TIAM1: variants seen among roughly 807,000 people sequenced by gnomAD.
The protein encoded by TIAM1 is TIAM Rac1 associated GEF 1, also known as rho guanine nucleotide exchange factor TIAM1.
In TIAM1, 65 loss-of-function variants were observed where a neutral mutation model predicts 163.5. The ratio of observed to expected loss-of-function variants is 0.40; its 90% CI spans 0.33 to 0.49. TIAM1 has a LOEUF of 0.49. Among genes scored for constraint, TIAM1 ranks in the 20% least tolerant of loss-of-function variants. TIAM1 has a pLI of 0.77. For missense variants in TIAM1, 1,789 were observed against 2,044.7 expected (o/e 0.87, Z 2.41); for synonymous variants, 833 against 810.1 (o/e 1.03, Z -0.48).
chr21:31,511,902 G>A (rs750081707), intron 1 of TIAM1, among the ~76,000 whole-genome samples: 86 of 152,164 alleles, frequency 5.7e-4, no homozygotes, highest in Middle Eastern at 3.2e-3. Context: ...TCAGCTGGAA[G>A]TGACAGGCAG....
intron 2 of TIAM1, among the ~76,000 whole-genome samples, chr21:31,401,254 T>C (rs1193439017): frequency 6.6e-6 from 1 of 152,212 alleles, no homozygotes; most frequent in Non-Finnish European, 1.5e-5. Flanking sequence ...GGTGATGTCA[T>C]GTATCCAATG....
chr21:31,412,334 T>A (rs942955001), intron 2 of TIAM1, among the ~76,000 whole-genome samples: 4 of 152,088 alleles, frequency 2.6e-5, no homozygotes, highest in Non-Finnish European at 5.9e-5. Flanking sequence ...CAATGTATGT[T>A]ATTTGGGCCA....
chr21:31,227,026 G>C lies in TIAM1; in HGVS notation c.1585-1076C>G, dbSNP rs748101689. Among the ~76,000 whole-genome samples the C allele has an allele frequency of 1.1e-3, 149 of 141,396 alleles. 2 individuals carry two copies. The highest frequency in any genetic ancestry group is 2.9e-4 in the Non-Finnish European group (19 of 66,562). The allele number at this position is 141,396 out of a possible 152,430, so 92.8% of individuals were successfully genotyped here. A position where few individuals can be genotyped will look rare whatever the true frequency, so the allele number is the denominator to read the frequency against. ...GGCTGGAGTGCAGTGGCGCGATCTT[G>C]GCTCACTGCAGCCTCTGCCTCCCAG... On this transcript the variant is annotated intron_variant, in intron 6 of 27. Transcript: ENST00000541036.
At chr21:31,168,217 T>G (rs2084333180) in intron 15 of TIAM1, among the ~76,000 whole-genome samples, 1 of 151,650 alleles carries the variant, frequency 6.6e-6, no homozygotes, top group Admixed American at 6.6e-5. Context: ...CTCAGCCTCC[T>G]GAGTAGCTGG....
At chr21:31,475,038 T>G (rs1325602090) in intron 1 of TIAM1, among the ~76,000 whole-genome samples, 1 of 64,842 alleles carries the variant, frequency 1.5e-5, no homozygotes, top group Non-Finnish European at 3.2e-5. Context: ...ATTATTATTA[T>G]TATTATTATT....
intron 1 of TIAM1, among the ~76,000 whole-genome samples, chr21:31,541,386 G>A (rs747917646): frequency 6.6e-6 from 1 of 152,112 alleles, no homozygotes; most frequent in Non-Finnish European, 1.5e-5. Context: ...CAGCCCCAGA[G>A]GTTGAGGCTG....
chr21:31,473,155 G>A (rs1447783339), intron 1 of TIAM1, among the ~76,000 whole-genome samples: 1 of 152,154 alleles, frequency 6.6e-6, no homozygotes, highest in Non-Finnish European at 1.5e-5. Flanking sequence ...TGGCAGCCAG[G>A]CACGGTGGCT....
At chr21:31,286,030 T>G (rs1337067464) in intron 2 of TIAM1, among the ~76,000 whole-genome samples, 1 of 152,222 alleles carries the variant, frequency 6.6e-6, no homozygotes, top group Non-Finnish European at 1.5e-5. Context: ...CAACTTAATT[T>G]AATAACTAAA....
rs971327190 is a variant in TIAM1, at chr21:31,412,612, T to C, written c.-369+51371A>G. Among the ~76,000 whole-genome samples the C allele has an allele frequency of 2.0e-5, 3 of 151,720 alleles. No homozygotes were observed. In the South Asian group the frequency reaches 6.3e-4, roughly 32 times the overall value. ...ACCTGGCCAACATGGTGAAACCCCA[T>C]CTCTACTAAAAATACAAAAATTAGC... On this transcript the variant is annotated intron_variant, in intron 2 of 28. Transcript: ENST00000286827.
At chr21:31,555,646 G>C (rs567381229) in intron 1 of TIAM1, among the ~76,000 whole-genome samples, 2 of 152,054 alleles carry the variant, frequency 1.3e-5, no homozygotes. Flanking sequence ...CCCCTCTCCC[G>C]GCACAGATTT....
chr21:31,354,342 G>A (rs1022817120), intron 2 of TIAM1, among the ~76,000 whole-genome samples: 1 of 152,150 alleles, frequency 6.6e-6, no homozygotes, highest in African/African-American at 2.4e-5. Flanking sequence ...TGAGAAAGGT[G>A]AGTGAACAAG....
At chr21:31,537,571 A>G (rs1034853325) in intron 1 of TIAM1, among the ~76,000 whole-genome samples, 5 of 151,950 alleles carry the variant, frequency 3.3e-5, no homozygotes, top group African/African-American at 4.8e-5. Context: ...GGACAACATG[A>G]TGAAACCCTG....
chr21:31,409,387 C>T (rs1271711723), intron 2 of TIAM1, among the ~76,000 whole-genome samples: 1 of 152,170 alleles, frequency 6.6e-6, no homozygotes, highest in African/African-American at 2.4e-5. Context: ...GGATTACAGG[C>T]GTGAGCCACC....
rs545219098 is a variant in TIAM1, at chr21:31,131,018, T to A, written c.3884-70A>T. 1.8e-4 allele frequency: 236 copies of A among 1,348,444 alleles called. 5 individuals are homozygous for A. In the South Asian group the frequency reaches 2.7e-3, roughly 16 times the overall value. 83.5% of individuals were successfully genotyped at this position (1,348,444 alleles called of 1,614,324 possible). ...GGTTTTCCCCTTGACATCACCAACT[T>A]GTGGTAATAAACACTACAGTTATGA... On this transcript the variant is annotated intron_variant, in intron 23 of 27. Coordinates refer to ENST00000541036, the MANE Select transcript of TIAM1 (RefSeq NM_001353694.2).
At chr21:31,242,463 A>G (rs1279042529) in intron 6 of TIAM1, among the ~76,000 whole-genome samples, 3 of 152,178 alleles carry the variant, frequency 2.0e-5, no homozygotes, top group Non-Finnish European at 2.9e-5. Flanking sequence ...CTGAGGCTGC[A>G]GTGAGCTGTG....
intron 1 of TIAM1, among the ~76,000 whole-genome samples, chr21:31,342,486 A>AT (rs1569246830): frequency 6.6e-6 from 1 of 152,236 alleles, no homozygotes. Context: ...ACATGTGACA[A>AT]TATCTAAAAA....
chr21:31,303,479 G>C (rs919228551), intron 2 of TIAM1, among the ~76,000 whole-genome samples: 1 of 152,076 alleles, frequency 6.6e-6, no homozygotes, highest in Non-Finnish European at 1.5e-5. Context: ...CTTATTGATG[G>C]CACCCCATTA....
At chr21:31,495,191 C>A (rs1161189115) in intron 1 of TIAM1, among the ~76,000 whole-genome samples, 1 of 152,078 alleles carries the variant, frequency 6.6e-6, no homozygotes, top group African/African-American at 2.4e-5. Context: ...ATTTTGGTAA[C>A]GTGTATGTCT....
chr21:31,466,052 G>A (rs1569355824), intron 1 of TIAM1, among the ~76,000 whole-genome samples: 1 of 152,186 alleles, frequency 6.6e-6, no homozygotes, highest in Non-Finnish European at 1.5e-5. Context: ...AGAGGTCCTT[G>A]AGGATCCCAA....
Sources: gnomAD v4.1 joint callset for allele counts (sites outside exome capture counted in the v4.1 genomes callset) on GRCh38, gnomAD v4.1.1 for gene constraint, MANE v1.5 for transcripts, NCBI Gene and HGNC (gene_info 2026-07-23, HGNC 2026-07-21) for gene names.